TRIM6: variants seen among roughly 807,000 people sequenced by gnomAD.
TRIM6 encodes the protein tripartite motif-containing protein 6.
TRIM6 carries 43 observed loss-of-function variants against 51.2 expected under a neutral mutation model. The observed-to-expected ratio is 0.84, with a 90% CI of 0.66 to 1.08. The LOEUF is 1.08. Ranked by LOEUF, TRIM6 falls within the 50% of genes least tolerant of loss-of-function variation. The pLI is 0.00. For missense variants in TRIM6, 669 were observed against 619.0 expected, an observed-to-expected ratio of 1.08 and a Z score of -0.86; for synonymous variants, 215 against 232.4, an observed-to-expected ratio of 0.93 and a Z score of 0.68.
intron 1 of TRIM6, among the ~76,000 whole-genome samples, chr11:5,599,476 T>C (rs1847697022): frequency 6.6e-6 from 1 of 152,146 alleles, no homozygotes; most frequent in Non-Finnish European, 1.5e-5. Flanking sequence ...CGATCTCGAC[T>C]CACTGCAAGC....
chr11:5,610,736 G>T, intron 7 of TRIM6, 41 bp from the exon 8 acceptor site: 1 of 1,600,312 alleles, frequency 6.2e-7, no homozygotes, highest in Non-Finnish European at 8.5e-7. Flanking sequence ...CGAGACCCAT[G>T]TCCCCGTTCT....
intron 5 of TRIM6, among the ~76,000 whole-genome samples, chr11:5,609,479 A>T (rs1046039069): frequency 6.6e-6 from 1 of 152,268 alleles, no homozygotes; most frequent in Admixed American, 6.5e-5. Context: ...AACCCCTCTG[A>T]TTTTAAATAT....
At position 5,606,970 on chromosome 11, in the gene TRIM6, G is replaced by A. The variant is rs571810784; in HGVS notation, c.835-1402G>A. Among the ~76,000 whole-genome samples the A allele has an allele frequency of 4.6e-5, 7 of 152,278 alleles. No homozygotes were observed. The East Asian group carries it at 5.8e-4, about 13-fold the overall frequency. ...TGTAATCCCAGCACTTTGGGAGGCC[G>A]AGGCAGGCGGATCATGAGGTCAGGA... On this transcript the variant is annotated intron_variant, in intron 4 of 7. Transcript: ENST00000380097.
intron 1 of TRIM6, among the ~76,000 whole-genome samples, chr11:5,600,104 T>A (rs1016285329): frequency 4.6e-5 from 7 of 152,186 alleles, no homozygotes; most frequent in African/African-American, 1.7e-4. Flanking sequence ...ACCAGTTAGA[T>A]GCACAGAGTT....
Position 5,611,128 on chromosome 11 carries a change from C to T in TRIM6, c.1337C>T (p.Ser446Phe). The change falls in exon 8 of 8, where the codon TCT (serine) becomes TTT (phenylalanine). Residue 446 changes from serine to phenylalanine, a missense_variant. Ser to Phe is a radical substitution (Grantham distance 155, BLOSUM62 -2). Transcript: ENST00000380097. ...HNHEYRAYED[S>F]SPSLLLSMTV... ...CATGAATATAGGGCCTATGAGGATT[C>T]TTCCCCTTCCCTGCTTCTCTCCATG... 6.2e-7 allele frequency: 1 copy of T among 1,614,150 alleles called. No individual in the cohort carries two copies. The highest frequency in any genetic ancestry group is 1.1e-5 in the South Asian group (1 of 91,080).
intron 1 of TRIM6, among the ~76,000 whole-genome samples, chr11:5,599,699 G>A (rs1374124626): frequency 7.8e-6 from 1 of 128,152 alleles, no homozygotes; most frequent in Admixed American, 8.3e-5. Flanking sequence ...CACCGCGCCC[G>A]GCCAACACAA....
intron 5 of TRIM6, 145 bp from the exon 6 acceptor site, chr11:5,610,000 G>C (rs572852667): frequency 1.3e-6 from 1 of 743,876 alleles, no homozygotes; most frequent in Non-Finnish European, 2.2e-6. Flanking sequence ...TCTGGCTCCA[G>C]TGCCAGGGCT....
chr11:5,609,338 T>C (rs1183297784), intron 5 of TRIM6, among the ~76,000 whole-genome samples: 1 of 152,158 alleles, frequency 6.6e-6, no homozygotes, highest in Non-Finnish European at 1.5e-5. Flanking sequence ...CCTAAAATGC[T>C]GTTTTGAAGG....
rs113911315 is a variant in TRIM6 at position 5,607,712 on chromosome 11, T to A, written c.835-660T>A. 5.2e-3 allele frequency among the ~76,000 whole-genome samples: 787 copies of A among 152,266 alleles called. 7 individuals are homozygous for A. The highest frequency in any genetic ancestry group is 0.018 in the African/African-American group (729 of 41,540). ...TAGTTATTTCCTATTTTGTTTAAAT[T>A]TGGTGACTTAAGTGGTTGCTAGTGT... On this transcript the variant is annotated intron_variant, in intron 4 of 7. Transcript: ENST00000380097.
chr11:5,604,774 T>G (rs1848104779), intron 3 of TRIM6, 145 bp downstream of exon 3: 1 of 771,430 alleles, frequency 1.3e-6, no homozygotes, highest in Non-Finnish European at 2.0e-6. Context: ...ACTATATTCC[T>G]TCCAAACAGG....
chr11:5,609,224 C>T (rs917886041), intron 5 of TRIM6, among the ~76,000 whole-genome samples: 16 of 152,140 alleles, frequency 1.1e-4, no homozygotes, highest in South Asian at 4.1e-4. Flanking sequence ...CACAGACACA[C>T]GAAATGGGAA....
chr11:5,605,676 T>C, intron 4 of TRIM6, 109 bp downstream of exon 4: 7 of 1,334,810 alleles, frequency 5.2e-6, no homozygotes, highest in Non-Finnish European at 6.0e-6. Context: ...AGAGAAAACA[T>C]TCCTTTGGCG....
At chr11:5,603,146 C>G in intron 1 of TRIM6, 100 bp from the exon 2 acceptor site, 1 of 1,511,846 alleles carries the variant, frequency 6.6e-7, no homozygotes, top group Non-Finnish European at 8.8e-7. Context: ...CCTTGTTACC[C>G]CAGGTGTCTG....
intron 7 of TRIM6, 107 bp downstream of exon 7, chr11:5,610,668 C>T: frequency 6.4e-7 from 1 of 1,565,484 alleles, no homozygotes; most frequent in South Asian, 1.2e-5. Context: ...CTCCCCCATC[C>T]CCGCCATATA....
Position 5,605,582 on chromosome 11 carries a change from G to A in TRIM6, c.834+15G>A, listed in dbSNP as rs770729114. The A allele has an allele frequency of 2.5e-6, 4 of 1,607,822 alleles. No homozygotes were observed. The highest frequency in any genetic ancestry group is 3.4e-5 in the Admixed American group (2 of 58,546). On this transcript the variant is annotated intron_variant, in intron 4 of 7. Coordinates refer to ENST00000380097, the MANE Select transcript of TRIM6 (RefSeq NM_001003818.3). ...AGCTGCTGCAGGTAAGGCTTGTGAA[G>A]GAGCCCAGATCTGAGAGTCAAGGAA... is the stretch of plus-strand genomic sequence containing the variant.
chr11:5,605,056 A>T, intron 3 of TRIM6: 1 of 497,816 alleles, frequency 2.0e-6, no homozygotes, highest in Non-Finnish European at 3.6e-6. Context: ...GCTGATGCAG[A>T]GGTGAGGGAG....
chr11:5,607,183 G>A (rs906153188), intron 4 of TRIM6, among the ~76,000 whole-genome samples: 1 of 151,934 alleles, frequency 6.6e-6, no homozygotes, highest in African/African-American at 2.4e-5. Flanking sequence ...CAGCCTGGGC[G>A]ACAGAGCAAG....
At position 5,596,740 on chromosome 11, in the gene TRIM6, CG is replaced by C. The variant is rs1847489068; in HGVS notation, c.-156del. On this transcript the variant is annotated 5_prime_UTR_variant, in exon 1 of 8. The change abolishes the stop of an existing upstream ORF in the 5' untranslated region. Transcript: ENST00000380097. ...GAGGGATCCCCTGCCTTTCTCGGAA[CG>C]GAACGGAGCAGAGTCGTGCGTGGTT... is the stretch of plus-strand genomic sequence containing the variant. The C allele has an allele frequency of 1.1e-5, 12 of 1,142,776 alleles. No homozygotes were observed. The South Asian group carries it at 1.6e-4, about 15-fold the overall frequency. 70.8% of individuals were successfully genotyped at this position (1,142,776 alleles called of 1,614,324 possible).
chr11:5,608,482 G>C (rs1590112646), intron 5 of TRIM6, 88 bp downstream of exon 5: 1 of 1,579,810 alleles, frequency 6.3e-7, no homozygotes, highest in East Asian at 2.3e-5. Context: ...AGAAGAATCA[G>C]AGTGGGGAAG....
Sources: allele counts gnomAD v4.1 joint callset (sites outside exome capture counted in the v4.1 genomes callset), GRCh38; gene constraint gnomAD v4.1.1; transcripts MANE v1.5; gene names NCBI Gene and HGNC (gene_info 2026-07-23, HGNC 2026-07-21).